RPS6KA2: variants seen among roughly 807,000 people sequenced by gnomAD.
RPS6KA2 encodes ribosomal protein S6 kinase alpha-2.
Under a neutral mutation model 91.8 loss-of-function variants are expected in RPS6KA2, and 42 were observed. The ratio of observed to expected loss-of-function variants is 0.46; its 90% confidence interval spans 0.36 to 0.59. RPS6KA2 has a LOEUF of 0.59. RPS6KA2 is among the 20% of genes least tolerant of loss of function. The pLI is 0.00. For synonymous variants in RPS6KA2, 414 were observed against 393.6 expected (o/e 1.05, Z -0.61); for missense variants, 798 against 978.5 (o/e 0.82, Z 2.46).
intron 1 of RPS6KA2, among the ~76,000 whole-genome samples, chr6:166,607,609 G>C (rs1192073131): frequency 6.6e-6 from 1 of 152,158 alleles, no homozygotes; most frequent in African/African-American, 2.4e-5. Context: ...TAGGGCTGCA[G>C]GGGGTCGTGG....
At chr6:166,706,754 C>T (rs1789691247) in intron 2 of RPS6KA2, among the ~76,000 whole-genome samples, 1 of 152,180 alleles carries the variant, frequency 6.6e-6, no homozygotes, top group Non-Finnish European at 1.5e-5. Context: ...AATGAAATAT[C>T]ACACGCACAG....
chr6:166,474,465 T>C (rs1780890140), intron 10 of RPS6KA2, among the ~76,000 whole-genome samples: 1 of 151,970 alleles, frequency 6.6e-6, no homozygotes, highest in Non-Finnish European at 1.5e-5. Flanking sequence ...ACTTTAAACT[T>C]CCCCCTGGGA....
chr6:166,511,473 T>C (rs1782478691), intron 3 of RPS6KA2, among the ~76,000 whole-genome samples: 1 of 152,198 alleles, frequency 6.6e-6, no homozygotes, highest in East Asian at 1.9e-4. Context: ...CTATCTCAAG[T>C]GTGGCCATCT....
intron 11 of RPS6KA2, chr6:166,462,947 C>T (rs1020915781): frequency 3.3e-5 from 5 of 152,368 alleles, no homozygotes; most frequent in African/African-American, 1.2e-4. Flanking sequence ...GCTATGAACA[C>T]AGCCTGTTCA....
rs888775221 is a variant in RPS6KA2 at position 166,445,876 on chromosome 6, G to T, written c.1332+2848C>A. Among the ~76,000 whole-genome samples, 1 of 152,192 alleles carries T rather than the reference G, an allele frequency of 6.6e-6. No individual in the cohort carries two copies. The highest frequency in any genetic ancestry group is 1.5e-5 in the Non-Finnish European group (1 of 68,032). ...ACAATCTCGGCTGGACATCTGCTGA[G>T]CTGAGATCCAACTCACACATCAGAT... On this transcript the variant is annotated intron_variant, in intron 14 of 20. Coordinates refer to ENST00000265678, the MANE Select transcript of RPS6KA2 (RefSeq NM_021135.6). This position sits in a 1 kb window ranked among gnomAD's most constrained non-coding sequence, Gnocchi z 4.5.
In RPS6KA2 at chr6:166,727,904, G is replaced by GC. The variant is rs370050946; in HGVS notation, c.123+130295_123+130296insG. On this transcript the variant is annotated intron_variant, in intron 2 of 21. Transcript: ENST00000503859. ...CCGAGCACCAGTGACCCTCTGATAGGGGTTTGCCACCCATGAATTCAACCA... is the reference window on the plus strand; with the variant it reads ...CCGAGCACCAGTGACCCTCTGATAGGCGGTTTGCCACCCATGAATTCAACCA... Among the ~76,000 whole-genome samples, 116 of 151,984 alleles carry GC rather than the reference G, an allele frequency of 7.6e-4. 1 individual carries two copies. The highest frequency in any genetic ancestry group is 2.8e-3 in the African/African-American group (114 of 41,358).
chr6:166,507,506 C>T (rs1209542165), intron 5 of RPS6KA2, among the ~76,000 whole-genome samples: 2 of 151,316 alleles, frequency 1.3e-5, no homozygotes, highest in African/African-American at 4.9e-5. Flanking sequence ...AGACACCCCA[C>T]ACCACACAAA....
intron 2 of RPS6KA2, among the ~76,000 whole-genome samples, chr6:166,793,492 G>GGAAAAAACT (rs1459084677): frequency 6.7e-6 from 1 of 149,196 alleles, no homozygotes; most frequent in African/African-American, 2.5e-5. Flanking sequence ...TCACAGAATT[G>GGAAAAAACT]GAAAAAACTA....
intron 3 of RPS6KA2, among the ~76,000 whole-genome samples, chr6:166,528,690 C>G (rs1783150091): frequency 6.6e-6 from 1 of 151,920 alleles, no homozygotes; most frequent in African/African-American, 2.4e-5. Flanking sequence ...GGCTAATATC[C>G]AGAATCTACA....
At chr6:166,505,396 C>T (rs1782169987) in intron 5 of RPS6KA2, among the ~76,000 whole-genome samples, 1 of 152,224 alleles carries the variant, frequency 6.6e-6, no homozygotes, top group Non-Finnish European at 1.5e-5. Flanking sequence ...CATAATGACT[C>T]ATCCCCACCC....
intron 1 of RPS6KA2, among the ~76,000 whole-genome samples, chr6:166,609,578 T>C (rs1488955054): frequency 1.3e-5 from 2 of 151,326 alleles, no homozygotes; most frequent in Non-Finnish European, 2.9e-5. Flanking sequence ...TGGCTCACCG[T>C]AATCTCCGCC....
At chr6:166,575,816 C>T (rs1046979939) in intron 1 of RPS6KA2, among the ~76,000 whole-genome samples, 2 of 151,946 alleles carry the variant, frequency 1.3e-5, no homozygotes, top group Non-Finnish European at 2.9e-5. Flanking sequence ...AAGGAGCTCA[C>T]CAAGATAGCA....
chr6:166,596,750 C>T (rs534785464), intron 1 of RPS6KA2, among the ~76,000 whole-genome samples: 4 of 152,290 alleles, frequency 2.6e-5, no homozygotes, highest in South Asian at 2.1e-4. Context: ...AACTCCCTTT[C>T]ACATATACAT....
At chr6:166,676,720 C>T (rs1234799258) in intron 2 of RPS6KA2, among the ~76,000 whole-genome samples, 1 of 152,236 alleles carries the variant, frequency 6.6e-6, no homozygotes, top group Non-Finnish European at 1.5e-5. Flanking sequence ...TTCCACAGCA[C>T]TTACCACACT....
At chr6:166,627,331 G>T, upstream of RPS6KA2, 1 of 624,062 alleles carries the variant, frequency 1.6e-6, no homozygotes, top group Non-Finnish European at 2.0e-6. Context: ...CCGCGCCCCG[G>T]CACGCACACC....
intron 2 of RPS6KA2, among the ~76,000 whole-genome samples, chr6:166,668,655 C>T (rs1278019601): frequency 6.6e-6 from 1 of 152,162 alleles, no homozygotes; most frequent in Non-Finnish European, 1.5e-5. Context: ...GGAGGCAGTG[C>T]TCAGCTGCTG....
At chr6:166,808,221 C>A (rs1177615570) in intron 2 of RPS6KA2, among the ~76,000 whole-genome samples, 3 of 152,192 alleles carry the variant, frequency 2.0e-5, no homozygotes, top group Non-Finnish European at 4.4e-5. Flanking sequence ...CCCAGGACGC[C>A]CTGTTGGCCT....
chr6:166,583,861 C>G (rs1785093799), intron 1 of RPS6KA2, among the ~76,000 whole-genome samples: 1 of 152,192 alleles, frequency 6.6e-6, no homozygotes, highest in African/African-American at 2.4e-5. Flanking sequence ...TGGGTTCTAT[C>G]TAATGGTAAC....
intron 2 of RPS6KA2, among the ~76,000 whole-genome samples, chr6:166,670,933 G>A (rs1307696711): frequency 2.0e-5 from 3 of 152,160 alleles, no homozygotes; most frequent in Non-Finnish European, 4.4e-5. Context: ...TGGTTCTCGT[G>A]GCTCAGCCTC....
Sources: gnomAD v4.1 joint callset for allele counts (sites outside exome capture counted in the v4.1 genomes callset) on GRCh38, gnomAD v4.1.1 for gene constraint, Gnocchi (gnomAD v3.1) non-coding constraint, MANE v1.5 for transcripts, NCBI Gene and HGNC (gene_info 2026-07-23, HGNC 2026-07-21) for gene names.